The following CAMK2B variants were observed in gnomAD, a reference collection of about 807,000 sequenced individuals.
The protein encoded by CAMK2B is calcium/calmodulin-dependent protein kinase type II subunit beta.
A neutral mutation model predicts 93.7 loss-of-function variants in CAMK2B; 27 were observed. That is an observed-to-expected ratio of 0.29 (90% CI 0.21 to 0.40). The LOEUF is 0.40. CAMK2B is among the 10% of genes least tolerant of loss of function. CAMK2B has a pLI of 1.00. For synonymous variants in CAMK2B, 374 were observed against 358.8 expected, an observed-to-expected ratio of 1.04 and a Z score of -0.48; for missense variants, 568 against 895.8, an observed-to-expected ratio of 0.63 and a Z score of 4.67.
intron 13 of CAMK2B, among the ~76,000 whole-genome samples, chr7:44,239,180 G>T (rs1307442851): frequency 6.6e-6 from 1 of 152,208 alleles, no homozygotes; most frequent in African/African-American, 2.4e-5. Flanking sequence ...GGCAGGGTGT[G>T]TGTCTGCCCC....
At chr7:44,230,928 G>A in intron 17 of CAMK2B, 78 bp downstream of exon 17, 1 of 1,285,624 alleles carries the variant, frequency 7.8e-7, no homozygotes, top group Non-Finnish European at 1.1e-6. Flanking sequence ...AGTTGACCCT[G>A]CCCAAGTCCC....
chr7:44,226,643 G>A lies in CAMK2B; in HGVS notation c.1470C>T (p.Ser490=). 1 of 1,541,598 alleles carries A rather than the reference G, an allele frequency of 6.5e-7. No individual in the cohort carries two copies. The highest frequency in any genetic ancestry group is 8.7e-7 in the Non-Finnish European group (1 of 1,152,600). ...AGTTCAGGATGTCAGAGATCCTGGG[G>A]GCTGGGGCGGAACAGACGAGACGTG... ...PALLGPLSSP[S]PRISDILNSV... is the part of the protein sequence containing the mutation. Residue 490 remains serine, a splice_region_variant and synonymous_variant, in exon 20 of 24, where the codon TCC becomes TCT. Coordinates refer to ENST00000395749, the MANE Select transcript of CAMK2B (RefSeq NM_001220.5).
intron 5 of CAMK2B, among the ~76,000 whole-genome samples, chr7:44,250,229 C>CTTG (rs2096767467): frequency 1.3e-5 from 2 of 152,346 alleles, no homozygotes. Context: ...TCATATTGCC[C>CTTG]TTGTCCTGGT....
At chr7:44,321,802 C>T (rs1289136423) in intron 1 of CAMK2B, among the ~76,000 whole-genome samples, 1 of 152,160 alleles carries the variant, frequency 6.6e-6, no homozygotes, top group Non-Finnish European at 1.5e-5. Flanking sequence ...CTCTTCCTAC[C>T]CAACAAACGG....
At chr7:44,288,986 G>A (rs1291066350) in intron 1 of CAMK2B, among the ~76,000 whole-genome samples, 4 of 152,176 alleles carry the variant, frequency 2.6e-5, no homozygotes. Context: ...GAGGCAGCAG[G>A]AAGCGTCATT....
chr7:44,223,708 T>C (rs1004536797), intron 20 of CAMK2B, among the ~76,000 whole-genome samples: 2 of 151,784 alleles, frequency 1.3e-5, no homozygotes, highest in African/African-American at 4.8e-5. Flanking sequence ...GGCCCCAAGC[T>C]TCAGGTCTGA....
At chr7:44,232,414 G>A (rs1342353307) in intron 16 of CAMK2B, among the ~76,000 whole-genome samples, 1 of 152,194 alleles carries the variant, frequency 6.6e-6, no homozygotes, top group Non-Finnish European at 1.5e-5. Context: ...AGCAGAGGAG[G>A]GAGGGTCTGC....
At position 44,271,909 on chromosome 7, in the gene CAMK2B, T is replaced by G. The variant is rs2129058538; in HGVS notation, c.161-8845A>C. ...TCCCTTCAGGGTAGTGACTTCTGTG[T>G]GCTGAGGACTGGCTCTGGGCAGGCC... On this transcript the variant is annotated intron_variant, in intron 2 of 23. Transcript: ENST00000395749. This position sits in a 1 kb window ranked among gnomAD's most constrained non-coding sequence, Gnocchi z 4.2. Among the ~76,000 whole-genome samples the G allele has an allele frequency of 6.6e-6, 1 of 152,350 alleles. No homozygotes were observed. Among genetic ancestry groups the G allele is most frequent in the East Asian group, 1.9e-4 (1 of 5,182 alleles).
chr7:44,251,284 T>C (rs2096778132), intron 5 of CAMK2B, among the ~76,000 whole-genome samples: 1 of 152,154 alleles, frequency 6.6e-6, no homozygotes, highest in African/African-American at 2.4e-5. Flanking sequence ...GCTCCCTCCT[T>C]TGCTATAGTC....
Position 44,239,468 on chromosome 7 carries a change from G to A in CAMK2B, c.1021+121C>T, listed in dbSNP as rs2096655879. 16 of 828,064 alleles carry A rather than the reference G, an allele frequency of 1.9e-5. No homozygotes were observed. In the South Asian group the frequency reaches 2.5e-4, roughly 13 times the overall value. 51.3% of individuals were successfully genotyped at this position (828,064 alleles called of 1,614,324 possible). ...GACCACACGGGAGCAGGGGCTCCCGGGGGCCTGGCGGCCTCTGGGGCGGCT... is the reference window on the plus strand; with the variant it reads ...GACCACACGGGAGCAGGGGCTCCCGAGGGCCTGGCGGCCTCTGGGGCGGCT... On this transcript the variant is annotated intron_variant, in intron 13 of 23. Transcript: ENST00000395749.
intron 21 of CAMK2B, 40 bp from the exon 22 acceptor site, chr7:44,220,750 CCT>C (rs1367459338): frequency 1.3e-6 from 2 of 1,582,278 alleles, no homozygotes; most frequent in Admixed American, 1.8e-5. Context: ...CCCGTGGACC[CCT>C]GACTCTGAGC....
chr7:44,307,155 AGGAGGGTGTGAGCAGAG>A (rs1792045212), intron 1 of CAMK2B, among the ~76,000 whole-genome samples: 1 of 104,034 alleles, frequency 9.6e-6, no homozygotes, highest in Non-Finnish European at 2.0e-5. Flanking sequence ...GAGCAGAGGG[AGGAGGGTGTGAGCAGAG>A]GGAGGAGGGT....
intron 2 of CAMK2B, among the ~76,000 whole-genome samples, chr7:44,275,099 C>A (rs906229613): frequency 2.6e-5 from 4 of 152,216 alleles, no homozygotes; most frequent in Non-Finnish European, 5.9e-5. Context: ...TGCGGAAGGA[C>A]GCAAAGGGGT....
intron 1 of CAMK2B, among the ~76,000 whole-genome samples, chr7:44,288,153 G>GC (rs1407749041): frequency 2.0e-5 from 3 of 152,176 alleles, no homozygotes; most frequent in Admixed American, 2.0e-4. Flanking sequence ...CTACACTGAG[G>GC]CCACAAGGCC....
intron 1 of CAMK2B, among the ~76,000 whole-genome samples, chr7:44,324,722 G>A (rs913225807): frequency 2.6e-5 from 4 of 152,076 alleles, no homozygotes; most frequent in Non-Finnish European, 5.9e-5. Flanking sequence ...CCTGATCCAG[G>A]CTCCCTGACC....
intron 19 of CAMK2B, 115 bp from the exon 20 acceptor site, chr7:44,226,759 G>T: frequency 5.4e-6 from 2 of 370,460 alleles, no homozygotes; most frequent in Non-Finnish European, 8.7e-6. Flanking sequence ...AGATGTGGGG[G>T]ATGGGGCACA....
intron 12 of CAMK2B, 132 bp from the exon 13 acceptor site, chr7:44,239,795 G>T: frequency 1.5e-6 from 1 of 670,158 alleles, no homozygotes; most frequent in Non-Finnish European, 2.6e-6. Context: ...GTGACAGATG[G>T]TTCCAGAATC....
intron 1 of CAMK2B, among the ~76,000 whole-genome samples, chr7:44,299,084 C>T (rs1329197591): frequency 6.6e-6 from 1 of 152,160 alleles, no homozygotes; most frequent in Non-Finnish European, 1.5e-5. Flanking sequence ...CAAACAGATA[C>T]TTGTATACAA....
intron 2 of CAMK2B, among the ~76,000 whole-genome samples, chr7:44,263,556 G>C (rs917712279): frequency 1.3e-5 from 2 of 152,100 alleles, no homozygotes; most frequent in African/African-American, 2.4e-5. Context: ...GAGTAAACTG[G>C]TGGTGAAGCA....
Sources: allele counts gnomAD v4.1 joint callset (sites outside exome capture counted in the v4.1 genomes callset), GRCh38; gene constraint gnomAD v4.1.1; non-coding constraint Gnocchi (gnomAD v3.1); transcripts MANE v1.5; gene names NCBI Gene and HGNC (gene_info 2026-07-23, HGNC 2026-07-21).